Variants in CERS6 observed in about 807,000 individuals in gnomAD.
CERS6 encodes the protein LAG1 homolog, ceramide synthase 6.
In CERS6, 26 loss-of-function variants were observed where a neutral mutation model predicts 56.8. The ratio of observed to expected loss-of-function variants is 0.46; its 90% CI spans 0.34 to 0.63. CERS6 has a LOEUF of 0.63. Ranked by LOEUF, CERS6 falls within the 30% of genes least tolerant of loss-of-function variation. CERS6 has a pLI of 0.01. For synonymous variants in CERS6, 164 were observed against 173.3 expected (o/e 0.95, Z 0.42); for missense variants, 415 against 467.5 (o/e 0.89, Z 1.04).
intron 1 of CERS6, among the ~76,000 whole-genome samples, chr2:168,544,669 G>A (rs1177449646): frequency 1.3e-5 from 2 of 152,172 alleles, no homozygotes; most frequent in Non-Finnish European, 2.9e-5. Flanking sequence ...ACTCACTGTG[G>A]ACCGGCACCA....
At chr2:168,665,557 A>G (rs1208228234) in intron 4 of CERS6, among the ~76,000 whole-genome samples, 1 of 151,944 alleles carries the variant, frequency 6.6e-6, no homozygotes, top group African/African-American at 2.4e-5. Flanking sequence ...TAGTAACCTA[A>G]TCTCCCCCTT....
intron 1 of CERS6, among the ~76,000 whole-genome samples, chr2:168,510,682 G>GT (rs927946318): frequency 8.6e-5 from 13 of 151,960 alleles, no homozygotes; most frequent in Admixed American, 6.6e-4. Context: ...CTTGTTCAGT[G>GT]TTTTTTTCTT....
At chr2:168,687,031 C>T (rs1373056411) in intron 4 of CERS6, among the ~76,000 whole-genome samples, 1 of 152,156 alleles carries the variant, frequency 6.6e-6, no homozygotes, top group East Asian at 1.9e-4. Context: ...GTGGTGACTG[C>T]TTCAGTTTTC....
In CERS6 at chr2:168,631,453, T is replaced by A. The variant is rs1205553704; in HGVS notation, c.465+411T>A. On this transcript the variant is annotated intron_variant, in intron 4 of 9. Coordinates refer to ENST00000305747, the MANE Select transcript of CERS6 (RefSeq NM_203463.3). ...TGTAAATATATATTTATATTATATA[T>A]TATATAAAAATATAATATATAATAT... Among the ~76,000 whole-genome samples, 5 of 127,622 alleles carry A rather than the reference T, an allele frequency of 3.9e-5. No individual in the cohort carries two copies. The East Asian group carries it at 1.1e-3, about 27-fold the overall frequency. 83.7% of individuals were successfully genotyped at this position (127,622 alleles called of 152,430 possible). A position where few individuals can be genotyped will look rare whatever the true frequency, so the allele number is the denominator to read the frequency against.
intron 1 of CERS6, among the ~76,000 whole-genome samples, chr2:168,525,406 A>G (rs1695052966): frequency 1.3e-5 from 2 of 152,244 alleles, no homozygotes; most frequent in South Asian, 4.1e-4. Context: ...TGCATTGTGT[A>G]TGGCAGTTAT....
chr2:168,709,844 T>G lies in CERS6; in HGVS notation c.610-5157T>G, dbSNP rs140465921. Among the ~76,000 whole-genome samples, 536 of 152,296 alleles carry G rather than the reference T, an allele frequency of 3.5e-3. 4 individuals carry two copies. The highest frequency in any genetic ancestry group is 0.012 in the African/African-American group (513 of 41,572). Reference sequence around the variant, plus strand: ...GGCAATTTGTTTAAAAATGGTTATTTGGACCAGATTCAGTGCCTACTCAAA... The same window carrying G: ...GGCAATTTGTTTAAAAATGGTTATTGGGACCAGATTCAGTGCCTACTCAAA... On this transcript the variant is annotated intron_variant, in intron 6 of 9. Coordinates refer to ENST00000305747, the MANE Select transcript of CERS6 (RefSeq NM_203463.3).
chr2:168,506,786 G>T (rs1694685851), intron 1 of CERS6, among the ~76,000 whole-genome samples: 1 of 152,134 alleles, frequency 6.6e-6, no homozygotes, highest in Non-Finnish European at 1.5e-5. Flanking sequence ...GTAGCAATTA[G>T]ATTGCTAACT....
chr2:168,523,596 C>T (rs1558983259), intron 1 of CERS6, among the ~76,000 whole-genome samples: 1 of 152,054 alleles, frequency 6.6e-6, no homozygotes, highest in Non-Finnish European at 1.5e-5. Context: ...GACCCCACTA[C>T]CTGCTGGTGG....
intron 3 of CERS6, among the ~76,000 whole-genome samples, chr2:168,629,019 C>CA (rs1684652814): frequency 1.3e-5 from 2 of 151,978 alleles, no homozygotes; most frequent in Admixed American, 6.6e-5. Flanking sequence ...AGTGCTTTTT[C>CA]AAGTTGCAAG....
intron 2 of CERS6, among the ~76,000 whole-genome samples, chr2:168,552,367 C>CACACACACAG (rs1553491045): frequency 1.7e-5 from 2 of 119,202 alleles, no homozygotes; most frequent in African/African-American, 2.8e-5. Flanking sequence ...CACACACACA[C>CACACACACAG]ACACACACAC....
At chr2:168,668,338 C>T (rs1032423892) in intron 4 of CERS6, among the ~76,000 whole-genome samples, 8 of 152,120 alleles carry the variant, frequency 5.3e-5, no homozygotes, top group African/African-American at 1.9e-4. Flanking sequence ...ATCATATTTA[C>T]CTCCTCTTTA....
intron 1 of CERS6, among the ~76,000 whole-genome samples, chr2:168,483,372 T>C (rs904948975): frequency 6.6e-6 from 1 of 152,150 alleles, no homozygotes; most frequent in East Asian, 1.9e-4. Context: ...CATCTTGGAC[T>C]GGATACTGGT....
intron 1 of CERS6, among the ~76,000 whole-genome samples, chr2:168,517,448 T>C (rs977868709): frequency 6.6e-6 from 1 of 151,620 alleles, no homozygotes; most frequent in African/African-American, 2.4e-5. Context: ...GCCGAGATCA[T>C]GCCACTGCAC....
chr2:168,528,793 G>T (rs1396965165), intron 1 of CERS6, among the ~76,000 whole-genome samples: 1 of 152,226 alleles, frequency 6.6e-6, no homozygotes, highest in African/African-American at 2.4e-5. Flanking sequence ...ATAGGTTTGG[G>T]AGTACTACTT....
chr2:168,650,573 C>T (rs1457200966), intron 4 of CERS6, among the ~76,000 whole-genome samples: 8 of 152,128 alleles, frequency 5.3e-5, no homozygotes, highest in Non-Finnish European at 1.0e-4. Context: ...GAGAGATCTT[C>T]GTGCAACTTG....
chr2:168,595,950 G>T (rs1386522730), intron 3 of CERS6, among the ~76,000 whole-genome samples: 1 of 151,758 alleles, frequency 6.6e-6, no homozygotes, highest in African/African-American at 2.4e-5. Context: ...TTGGCAAGAC[G>T]TTAAAAATTA....
At chr2:168,498,552 C>T (rs754522796) in intron 1 of CERS6, among the ~76,000 whole-genome samples, 17 of 152,160 alleles carry the variant, frequency 1.1e-4, no homozygotes, top group African/African-American at 2.9e-4. Flanking sequence ...GTGGCCTGCA[C>T]GTGTGCAGTA....
intron 1 of CERS6, among the ~76,000 whole-genome samples, chr2:168,545,661 C>T (rs1695453468): frequency 6.6e-6 from 1 of 152,278 alleles, no homozygotes; most frequent in Admixed American, 6.5e-5. Context: ...ACCGTGATAG[C>T]AACAACAAAA....
At chr2:168,656,811 C>T (rs995845455) in intron 4 of CERS6, among the ~76,000 whole-genome samples, 7 of 152,312 alleles carry the variant, frequency 4.6e-5, no homozygotes, top group South Asian at 4.1e-4. Context: ...CCACATCCTG[C>T]TGATTGGTAG....
Sources: gnomAD v4.1 joint callset for allele counts (sites outside exome capture counted in the v4.1 genomes callset) on GRCh38, gnomAD v4.1.1 for gene constraint, MANE v1.5 for transcripts, NCBI Gene and HGNC (gene_info 2026-07-23, HGNC 2026-07-21) for gene names.